SMARCAL1: variants seen among roughly 807,000 people sequenced by gnomAD.
SMARCAL1 encodes ATP-driven annealing helicase.
SMARCAL1 carries 58 observed loss-of-function variants against 94.5 expected under a neutral mutation model. The ratio of observed to expected loss-of-function variants is 0.61; its 90% CI spans 0.50 to 0.76. The LOEUF (loss-of-function observed/expected upper bound fraction) is 0.76, where lower values mean the gene tolerates loss of function less well. Among genes scored for constraint, SMARCAL1 ranks in the 30% least tolerant of loss-of-function variants. The probability of loss-of-function intolerance (pLI) is 0.00; values close to 1 mark genes in which losing one functional copy is unlikely to be tolerated. For missense variants in SMARCAL1, 1,051 were observed against 1,177.9 expected (o/e 0.89, Z 1.58); for synonymous variants, 422 against 455.1 (o/e 0.93, Z 0.93).
chr2:216,417,258 G>A (rs1409129483), intron 4 of SMARCAL1, among the ~76,000 whole-genome samples: 1 of 152,222 alleles, frequency 6.6e-6, no homozygotes, highest in Non-Finnish European at 1.5e-5. Flanking sequence ...CTTGAAATGT[G>A]TACATTAGGC....
In SMARCAL1 at chr2:216,464,709, C is replaced by CA. The variant is rs34170201; in HGVS notation, c.2141+56dup. ...TGTCGACCTCTCTCTCTCTCATCTT[C>CA]AAAAAAAAAAAAAACAACTTATTAC... On this transcript the variant is annotated intron_variant, in intron 13 of 17. Coordinates refer to ENST00000357276, the MANE Select transcript of SMARCAL1 (RefSeq NM_014140.4). 0.2 allele frequency: 138,633 copies of CA among 691,034 alleles called. 805 individuals carry two copies. The highest frequency in any genetic ancestry group is 0.29 in the East Asian group (8,782 of 29,936). 42.8% of individuals were successfully genotyped at this position (691,034 alleles called of 1,614,324 possible).
Position 216,415,008 on chromosome 2 carries a change from G to A in SMARCAL1, c.304G>A (p.Glu102Lys). Residue 102 changes from glutamate to lysine, a missense_variant, in exon 3 of 18, where the codon GAA becomes AAA. Transcript: ENST00000357276. The stretch of plus-strand genomic sequence containing the variant: ...GGCAAAGGGAATATGGAAAAAGCCA[G>A]AAGAAATGCCCACAGCCTGCCCAGG... ...FQAKGIWKKPEEMPTACPGHS... is the reference protein window; with the variant it reads ...FQAKGIWKKPKEMPTACPGHS... 2 of 1,614,144 alleles carry A rather than the reference G, an allele frequency of 1.2e-6. No homozygotes were observed.
chr2:216,475,177 C>T lies in SMARCAL1; in HGVS notation c.2245-92C>T. On this transcript the variant is annotated intron_variant, in intron 14 of 17. Transcript: ENST00000357276. This position sits in a 1 kb window ranked among gnomAD's most constrained non-coding sequence, Gnocchi z 4.4. ...GGCAGGGGCCTCTGCTGAGCTGGAA[C>T]CTGGTTCTGTGCTGGAGCTGTGGCT... is the stretch of plus-strand genomic sequence containing the variant. 7.5e-7 allele frequency: 1 copy of T among 1,341,640 alleles called. No homozygotes were observed. Among genetic ancestry groups the T allele is most frequent in the Non-Finnish European group, 1.1e-6 (1 of 941,956 alleles). 83.1% of individuals were successfully genotyped at this position (1,341,640 alleles called of 1,614,324 possible). A position where few individuals can be genotyped will look rare whatever the true frequency, so the allele number is the denominator to read the frequency against.
chr2:216,442,500 G>A (rs1449125110), intron 10 of SMARCAL1, among the ~76,000 whole-genome samples: 1 of 151,688 alleles, frequency 6.6e-6, no homozygotes, highest in Non-Finnish European at 1.5e-5. Context: ...AGGTTCCCTA[G>A]TCCCCAGTCT....
intron 12 of SMARCAL1, among the ~76,000 whole-genome samples, chr2:216,457,592 G>A (rs1694598683): frequency 6.6e-6 from 1 of 152,176 alleles, no homozygotes; most frequent in South Asian, 2.1e-4. Flanking sequence ...TGACTACTGG[G>A]TACATAACGA....
intron 7 of SMARCAL1, among the ~76,000 whole-genome samples, chr2:216,431,892 C>T (rs1223536632): frequency 6.6e-6 from 1 of 152,204 alleles, no homozygotes; most frequent in African/African-American, 2.4e-5. Context: ...CCTTTTCTCG[C>T]CTCTGTCCTC....
intron 13 of SMARCAL1, among the ~76,000 whole-genome samples, chr2:216,466,404 TAAAA>T (rs1435526376): frequency 6.6e-6 from 1 of 152,222 alleles, no homozygotes; most frequent in Non-Finnish European, 1.5e-5. Context: ...GCTCCATTTT[TAAAA>T]ATGCAAACAC....
At chr2:216,444,142 CTGAGTA>C (rs776338660) in intron 10 of SMARCAL1, among the ~76,000 whole-genome samples, 2 of 152,208 alleles carry the variant, frequency 1.3e-5, no homozygotes, top group Non-Finnish European at 2.9e-5. Context: ...ATCAGGGTTA[CTGAGTA>C]TGGAGACTTT....
chr2:216,468,084 C>A (rs757325890), intron 14 of SMARCAL1, 38 bp downstream of exon 14: 1 of 1,439,742 alleles, frequency 6.9e-7, no homozygotes, highest in Non-Finnish European at 9.8e-7. Flanking sequence ...GCTACTTTTG[C>A]CATGTCCCAA....
intron 7 of SMARCAL1, among the ~76,000 whole-genome samples, chr2:216,432,096 A>G (rs1380192148): frequency 6.8e-6 from 1 of 146,626 alleles, no homozygotes; most frequent in Non-Finnish European, 1.5e-5. Flanking sequence ...ATCTCGGTTC[A>G]TTGCAACCTC....
At chr2:216,466,795 C>T (rs1694838915) in intron 13 of SMARCAL1, among the ~76,000 whole-genome samples, 1 of 152,126 alleles carries the variant, frequency 6.6e-6, no homozygotes, top group African/African-American at 2.4e-5. Flanking sequence ...AATTTTATGT[C>T]TCTCAAAATA....
chr2:216,435,272 C>T, intron 8 of SMARCAL1, 66 bp from the exon 9 acceptor site: 1 of 1,553,310 alleles, frequency 6.4e-7, no homozygotes, highest in Non-Finnish European at 8.9e-7. Context: ...GAGACTGCTG[C>T]TGTCACAACC....
chr2:216,464,717 A>C (rs1163482578), intron 13 of SMARCAL1, 50 bp downstream of exon 13: 2 of 1,262,370 alleles, frequency 1.6e-6, no homozygotes, highest in Admixed American at 3.4e-5. Flanking sequence ...TTCAAAAAAA[A>C]AAAAAACAAC....
At chr2:216,464,380 A>G (rs1402231398) in intron 12 of SMARCAL1, among the ~76,000 whole-genome samples, 1 of 152,220 alleles carries the variant, frequency 6.6e-6, no homozygotes, top group East Asian at 1.9e-4. Flanking sequence ...GGACAATGGC[A>G]GAGTAGCTCT....
At chr2:216,448,091 A>G (rs747338561) in intron 11 of SMARCAL1, among the ~76,000 whole-genome samples, 5 of 152,266 alleles carry the variant, frequency 3.3e-5, no homozygotes, top group Non-Finnish European at 7.3e-5. Flanking sequence ...ATTCAAACGA[A>G]GTACTTATAA....
chr2:216,469,989 TTTTA>T (rs577819402), intron 14 of SMARCAL1, among the ~76,000 whole-genome samples: 10 of 152,060 alleles, frequency 6.6e-5, no homozygotes, highest in African/African-American at 2.4e-4. Flanking sequence ...ATGTGTATCA[TTTTA>T]TTTATTTATT....
At chr2:216,442,014 TAG>T (rs995151360) in intron 10 of SMARCAL1, among the ~76,000 whole-genome samples, 3 of 152,208 alleles carry the variant, frequency 2.0e-5, no homozygotes, top group Non-Finnish European at 4.4e-5. Context: ...TTTCTGTAAG[TAG>T]AGAGTACTTT....
Position 216,415,060 on chromosome 2 carries a change from T to C in SMARCAL1, c.356T>C (p.Leu119Pro), listed in dbSNP as rs759332408. 1.8e-5 allele frequency: 29 copies of C among 1,614,226 alleles called. No homozygotes were observed. The highest frequency in any genetic ancestry group is 2.5e-5 in the Non-Finnish European group (29 of 1,180,036). ...PGHSPRSQMA[L>P]TGISPPLAQS... ...CACAGTCCACGTAGTCAAATGGCTC[T>C]CACTGGAATCTCTCCTCCCTTGGCA... The change falls in exon 3 of 18, where the codon CTC (leucine) becomes CCC (proline). Residue 119 changes from leucine (L) to proline (P), a missense_variant. Physicochemically the swap from Leu to Pro is moderately conservative, Grantham distance 98. Transcript: ENST00000357276.
intron 12 of SMARCAL1, among the ~76,000 whole-genome samples, chr2:216,456,430 A>G (rs1694569828): frequency 6.6e-6 from 1 of 152,236 alleles, no homozygotes; most frequent in African/African-American, 2.4e-5. Context: ...AAAAAATGTT[A>G]AAGGCAGCCA....
Sources: gnomAD v4.1 joint callset for allele counts (sites outside exome capture counted in the v4.1 genomes callset) on GRCh38, gnomAD v4.1.1 for gene constraint, Gnocchi (gnomAD v3.1) non-coding constraint, MANE v1.5 for transcripts, NCBI Gene and HGNC (gene_info 2026-07-23, HGNC 2026-07-21) for gene names.